The following ZNF609 variants were observed in gnomAD, a reference collection of about 807,000 sequenced individuals.
ZNF609 encodes the protein zinc finger protein 609.
ZNF609 carries 11 observed loss-of-function variants against 109.5 expected under a neutral mutation model. The ratio of observed to expected loss-of-function variants is 0.10; its 90% CI spans 0.06 to 0.17. ZNF609 has a LOEUF of 0.17. Ranked by LOEUF, ZNF609 falls within the 10% of genes least tolerant of loss-of-function variation. The pLI is 1.00. For missense variants in ZNF609, 1,559 were observed against 1,772.4 expected, an observed-to-expected ratio of 0.88 and a Z score of 2.16; for synonymous variants, 646 against 662.0, an observed-to-expected ratio of 0.98 and a Z score of 0.37.
At chr15:64,540,902 C>T (rs1393259491) in intron 2 of ZNF609, among the ~76,000 whole-genome samples, 4 of 150,524 alleles carry the variant, frequency 2.7e-5, no homozygotes, top group East Asian at 2.1e-4. Context: ...GTGGCATGCA[C>T]CTGTAGTCCC....
intron 2 of ZNF609, among the ~76,000 whole-genome samples, chr15:64,522,018 G>A (rs1893897880): frequency 6.6e-6 from 1 of 152,190 alleles, no homozygotes; most frequent in Non-Finnish European, 1.5e-5. Flanking sequence ...GAGGCATCTG[G>A]TGACTCGAGA....
intron 3 of ZNF609, among the ~76,000 whole-genome samples, chr15:64,650,683 G>T (rs1176246761): frequency 6.6e-6 from 1 of 152,020 alleles, no homozygotes; most frequent in East Asian, 1.9e-4. Context: ...TGTGTCTTTA[G>T]CATCTCAACC....
At chr15:64,604,009 A>C (rs1322830137) in intron 2 of ZNF609, among the ~76,000 whole-genome samples, 2 of 151,786 alleles carry the variant, frequency 1.3e-5, no homozygotes, top group African/African-American at 4.8e-5. Flanking sequence ...AAAAAAAAAA[A>C]AAAAAAAAAA....
intron 2 of ZNF609, among the ~76,000 whole-genome samples, chr15:64,530,597 T>A (rs1410121080): frequency 6.6e-6 from 1 of 152,198 alleles, no homozygotes; most frequent in East Asian, 1.9e-4. Context: ...AGCTAGTATT[T>A]TCTGTGTGGT....
intron 1 of ZNF609, among the ~76,000 whole-genome samples, chr15:64,478,321 C>G (rs1486200472): frequency 1.3e-5 from 2 of 151,928 alleles, no homozygotes; most frequent in Non-Finnish European, 2.9e-5. Flanking sequence ...CTACCTCAGC[C>G]TCCCAGGTAG....
chr15:64,571,207 T>C (rs551689164), intron 2 of ZNF609, among the ~76,000 whole-genome samples: 1 of 152,138 alleles, frequency 6.6e-6, no homozygotes, highest in South Asian at 2.1e-4. Flanking sequence ...GGGGAAGATA[T>C]GAAACTTTTG....
intron 2 of ZNF609, among the ~76,000 whole-genome samples, chr15:64,536,945 G>A (rs1413164206): frequency 6.7e-6 from 1 of 148,490 alleles, no homozygotes; most frequent in Non-Finnish European, 1.5e-5. Flanking sequence ...AAAAAAGGCC[G>A]GGCACGGTGG....
At chr15:64,626,301 T>C (rs1595743922) in intron 3 of ZNF609, among the ~76,000 whole-genome samples, 3 of 152,136 alleles carry the variant, frequency 2.0e-5, no homozygotes, top group African/African-American at 7.2e-5. Context: ...GGGATCAGAG[T>C]TGGTTCACAT....
At chr15:64,513,858 AAGGTG>A (rs1893768373) in intron 2 of ZNF609, among the ~76,000 whole-genome samples, 1 of 152,104 alleles carries the variant, frequency 6.6e-6, no homozygotes, top group Admixed American at 6.6e-5. Flanking sequence ...TCAGGAGGCC[AAGGTG>A]GGAGGACTGC....
At chr15:64,542,324 A>C (rs1894278592) in intron 2 of ZNF609, among the ~76,000 whole-genome samples, 1 of 152,108 alleles carries the variant, frequency 6.6e-6, no homozygotes, top group Non-Finnish European at 1.5e-5. Flanking sequence ...GCCTGAATCT[A>C]TTTGGATTAT....
At chr15:64,652,040 T>G (rs888446296) in intron 3 of ZNF609, among the ~76,000 whole-genome samples, 2 of 152,190 alleles carry the variant, frequency 1.3e-5, no homozygotes, top group African/African-American at 4.8e-5. Flanking sequence ...ATTTTTCTTT[T>G]ATTTATTTAT....
At chr15:64,637,649 CTTTTCATGTG>C (rs1363317117) in intron 3 of ZNF609, among the ~76,000 whole-genome samples, 1 of 152,016 alleles carries the variant, frequency 6.6e-6, no homozygotes, top group Non-Finnish European at 1.5e-5. Context: ...AATTGAGCAT[CTTTTCATGTG>C]TTCATTGGCC....
At chr15:64,465,257 G>C (rs1892998445) in intron 1 of ZNF609, among the ~76,000 whole-genome samples, 1 of 152,198 alleles carries the variant, frequency 6.6e-6, no homozygotes, top group African/African-American at 2.4e-5. Context: ...TTGACTTTTT[G>C]TGGAAGTCTA....
intron 3 of ZNF609, among the ~76,000 whole-genome samples, chr15:64,664,678 A>C (rs1357518335): frequency 3.9e-5 from 6 of 152,158 alleles, no homozygotes; most frequent in African/African-American, 1.4e-4. Flanking sequence ...GAAGACTATT[A>C]AACCTCATCA....
chr15:64,614,510 G>A (rs1273642911), intron 2 of ZNF609, among the ~76,000 whole-genome samples: 1 of 152,144 alleles, frequency 6.6e-6, no homozygotes, highest in Non-Finnish European at 1.5e-5. Flanking sequence ...TGGCATTACA[G>A]GCGTGAGCCA....
chr15:64,599,416 A>G (rs1359696508), intron 2 of ZNF609, among the ~76,000 whole-genome samples: 3 of 152,072 alleles, frequency 2.0e-5, no homozygotes, highest in Non-Finnish European at 4.4e-5. Flanking sequence ...CCTGGCATGT[A>G]TCAGTTGCTC....
At chr15:64,511,468 T>G (rs1595703461) in intron 2 of ZNF609, among the ~76,000 whole-genome samples, 2 of 129,386 alleles carry the variant, frequency 1.5e-5, no homozygotes, top group Admixed American at 8.3e-5. Context: ...GCAACAAGAG[T>G]GAAACTTTGT....
chr15:64,601,817 CA>C lies in ZNF609; in HGVS notation c.748-21009del, dbSNP rs1262542846. Among the ~76,000 whole-genome samples, 21 of 152,290 alleles carry C rather than the reference CA, an allele frequency of 1.4e-4. No individual in the cohort carries two copies. In the East Asian group the frequency reaches 4.0e-3, roughly 29 times the overall value. On this transcript the variant is annotated intron_variant, in intron 2 of 9. Coordinates refer to ENST00000326648, the MANE Select transcript of ZNF609 (RefSeq NM_015042.2). ...ATCCTAGAACAGGATATAAACAAAT[CA>C]CTTGTGAACTACTTGTTCTCTCCTT...
intron 6 of ZNF609, 140 bp downstream of exon 6, chr15:64,678,622 C>T: frequency 8.2e-7 from 1 of 1,216,058 alleles, no homozygotes; most frequent in Non-Finnish European, 1.1e-6. Context: ...CTGAGTCATT[C>T]TGTGAGGTGG....
Sources: gnomAD v4.1 joint callset for allele counts (sites outside exome capture counted in the v4.1 genomes callset) on GRCh38, gnomAD v4.1.1 for gene constraint, MANE v1.5 for transcripts, NCBI Gene and HGNC (gene_info 2026-07-23, HGNC 2026-07-21) for gene names.